BRWD1: variants seen among roughly 807,000 people sequenced by gnomAD.
The protein encoded by BRWD1 is bromodomain and WD repeat-containing protein 1.
In BRWD1, 82 loss-of-function variants were observed where a neutral mutation model predicts 251.2. The ratio of observed to expected loss-of-function variants is 0.33; its 90% confidence interval spans 0.27 to 0.39. The LOEUF (loss-of-function observed/expected upper bound fraction) is 0.39. BRWD1 is among the 10% of genes least tolerant of loss of function. BRWD1 has a pLI of 1.00. For synonymous variants in BRWD1, 918 were observed against 902.8 expected, an observed-to-expected ratio of 1.02 and a Z score of -0.30; for missense variants, 2,233 against 2,711.6, an observed-to-expected ratio of 0.82 and a Z score of 3.92.
At chr21:39,266,090 A>G (rs2034911241) in intron 15 of BRWD1, among the ~76,000 whole-genome samples, 1 of 152,122 alleles carries the variant, frequency 6.6e-6, no homozygotes, top group African/African-American at 2.4e-5. Context: ...GAGAAATGAG[A>G]CATCTACTCA....
chr21:39,258,563 C>A lies in BRWD1; in HGVS notation c.1995G>T (p.Gln665His). The change falls in exon 18 of 41, where the codon CAG (glutamine) becomes CAT (histidine). Residue 665 changes from glutamine (Q) to histidine (H), a missense_variant. Around this residue, in one of 12 missense-constraint regions of BRWD1, gnomAD observed 73 missense variants for 68.1 expected, o/e 1.07. Transcript: ENST00000342449. The stretch of plus-strand genomic sequence containing the variant: ...GATCTGCTCCCATTCTCTGATCTTG[C>A]TGCTGCTGCAACTGTCTTATCATTC... ...LDGMIRQLQQ[Q>H]QDQRMGADQD... 1.2e-6 allele frequency: 2 copies of A among 1,613,438 alleles called. No individual in the cohort carries two copies. Among genetic ancestry groups the A allele is most frequent in the Non-Finnish European group, 1.7e-6 (2 of 1,179,606 alleles).
chr21:39,262,927 G>A (rs919085743), intron 17 of BRWD1, among the ~76,000 whole-genome samples: 5 of 151,088 alleles, frequency 3.3e-5, no homozygotes, highest in East Asian at 2.0e-4. Flanking sequence ...GACAGCCTGG[G>A]CAACATGGCA....
intron 4 of BRWD1, among the ~76,000 whole-genome samples, chr21:39,304,141 C>CAAAAAAAAAAA (rs56990201): frequency 8.4e-6 from 1 of 118,382 alleles, no homozygotes; most frequent in Non-Finnish European, 1.7e-5. Context: ...AACTCTTTCT[C>CAAAAAAAAAAA]AAAAAAAAAA....
At chr21:39,278,932 G>A (rs1028158323) in intron 9 of BRWD1, 119 bp from the exon 10 acceptor site, 35 of 766,696 alleles carry the variant, frequency 4.6e-5, no homozygotes, top group Middle Eastern at 4.2e-4. Flanking sequence ...ACAGGGTCTC[G>A]CCATGTTGCC....
intron 4 of BRWD1, among the ~76,000 whole-genome samples, chr21:39,303,443 CA>C (rs1283352951): frequency 4.8e-5 from 7 of 146,518 alleles, no homozygotes; most frequent in Middle Eastern, 3.6e-3. Flanking sequence ...CGCTTGAGCC[CA>C]GGAGGCAGAG....
chr21:39,238,024 G>A (rs1020494684), intron 22 of BRWD1, among the ~76,000 whole-genome samples: 1 of 152,084 alleles, frequency 6.6e-6, no homozygotes, highest in Admixed American at 6.5e-5. Context: ...CGGATAGGTG[G>A]ACAAGAGAGA....
upstream of BRWD1, chr21:39,313,641 G>GTAGTC: frequency 4.0e-6 from 2 of 494,360 alleles, no homozygotes; most frequent in Non-Finnish European, 6.2e-6. Context: ...CTGGACCGAC[G>GTAGTC]CCTCCGCGGG....
chr21:39,216,177 T>C (rs889331440), intron 31 of BRWD1, among the ~76,000 whole-genome samples: 1 of 152,126 alleles, frequency 6.6e-6, no homozygotes, highest in African/African-American at 2.4e-5. Flanking sequence ...AAAGTTAAAA[T>C]ACAATCAACT....
chr21:39,313,243 G>C lies in BRWD1; in HGVS notation c.106C>G (p.Gln36Glu), dbSNP rs755317791. ...GCCGCCCGCGGGCCCGCACTCACCT[G>C]GGCCGCTCTCCGACACGGGCCCGCC... ...LSAGPCRRAA[Q>E]VLVQELEQYQ... is the part of the protein sequence containing the mutation. The change falls in exon 2 of 41, where the codon CAG becomes GAG. Residue 36 changes from glutamine to glutamate, a missense_variant and splice_region_variant. Transcript: ENST00000342449. The C allele has an allele frequency of 6.5e-6, 10 of 1,545,916 alleles. 1 individual carries two copies. The highest frequency in any genetic ancestry group is 3.5e-5 in the South Asian group (3 of 85,202).
At position 39,189,629 on chromosome 21, in the gene BRWD1, A is replaced by G. The variant is rs2031439774; in HGVS notation, c.*6630T>C. On this transcript the variant is annotated 3_prime_UTR_variant, in exon 41 of 41. Transcript: ENST00000342449. ...CTTAAGTCTTAGACAATAAAACAGGAATTTCAGAGAATAAGGATAAAAACA... is the reference window on the plus strand; with the variant it reads ...CTTAAGTCTTAGACAATAAAACAGGGATTTCAGAGAATAAGGATAAAAACA... 1 of 981,044 alleles carries G rather than the reference A, an allele frequency of 1.0e-6. No homozygotes were observed. Among genetic ancestry groups the G allele is most frequent in the African/African-American group, 1.7e-5 (1 of 57,164 alleles). 60.8% of individuals were successfully genotyped at this position (981,044 alleles called of 1,614,324 possible). A position where few individuals can be genotyped will look rare whatever the true frequency, so the allele number is the denominator to read the frequency against.
chr21:39,251,938 G>T (rs1389261862), intron 19 of BRWD1, among the ~76,000 whole-genome samples: 1 of 152,118 alleles, frequency 6.6e-6, no homozygotes, highest in Admixed American at 6.6e-5. Context: ...GCTAAGAAAA[G>T]TGGTATTAGC....
At chr21:39,313,033 G>A (rs762885026) in intron 3 of BRWD1, 39 bp downstream of exon 3, 9 of 1,341,960 alleles carry the variant, frequency 6.7e-6, no homozygotes, top group African/African-American at 6.1e-5. Flanking sequence ...AGGTCGGCAG[G>A]AGGAACCCGA....
chr21:39,301,050 G>A lies in BRWD1; in HGVS notation c.199-2468C>T, dbSNP rs374445166. Among the ~76,000 whole-genome samples the A allele has an allele frequency of 3.9e-5, 6 of 152,186 alleles. No homozygotes were observed. The East Asian group carries it at 1.2e-3, about 29-fold the overall frequency. ...AAAAATTAGCCAGGCGTGGTGGCAG[G>A]TGCCTGTAGTCCCAGCTGCTGGGGA... is the stretch of plus-strand genomic sequence containing the variant. On this transcript the variant is annotated intron_variant, in intron 4 of 40. Transcript: ENST00000342449.
intron 15 of BRWD1, among the ~76,000 whole-genome samples, chr21:39,265,470 C>T (rs2034890712): frequency 6.8e-6 from 1 of 147,214 alleles, no homozygotes; most frequent in Non-Finnish European, 1.5e-5. Flanking sequence ...TAAGCATATA[C>T]ATCAATCACT....
intron 38 of BRWD1, 134 bp from the exon 39 acceptor site, chr21:39,200,520 T>A: frequency 1.3e-6 from 1 of 750,728 alleles, no homozygotes; most frequent in Non-Finnish European, 1.9e-6. Context: ...TTAGAATATA[T>A]TTTTTAAAAA....
At position 39,189,945 on chromosome 21, in the gene BRWD1, C is replaced by T. The variant is rs183073434; in HGVS notation, c.*6314G>A. On this transcript the variant is annotated 3_prime_UTR_variant, in exon 41 of 41. Transcript: ENST00000342449. ...CTACTGCCTCAGATGAGTCTTGTTT[C>T]AGTCATGGGTTTACAAAGTCATTGA... 270 of 985,374 alleles carry T rather than the reference C, an allele frequency of 2.7e-4. 2 individuals are homozygous for T. The African/African-American group carries it at 4.0e-3, about 15-fold the overall frequency. 61.0% of individuals were successfully genotyped at this position (985,374 alleles called of 1,614,324 possible). A position where few individuals can be genotyped will look rare whatever the true frequency, so the allele number is the denominator to read the frequency against.
At chr21:39,254,202 T>C (rs1000960726) in intron 19 of BRWD1, among the ~76,000 whole-genome samples, 4 of 152,274 alleles carry the variant, frequency 2.6e-5, no homozygotes, top group South Asian at 2.1e-4. Context: ...GAGGCAGAGG[T>C]TGCAGTGAGC....
chr21:39,294,822 T>A (rs1961777401), intron 7 of BRWD1, among the ~76,000 whole-genome samples: 1 of 152,166 alleles, frequency 6.6e-6, no homozygotes, highest in South Asian at 2.1e-4. Context: ...GTCTCAAGTT[T>A]ACAGTACTAG....
intron 37 of BRWD1, among the ~76,000 whole-genome samples, chr21:39,205,439 T>G (rs1372800278): frequency 6.6e-6 from 1 of 152,158 alleles, no homozygotes; most frequent in East Asian, 1.9e-4. Flanking sequence ...ATCATATCAC[T>G]AGACCCCAGC....
Sources: gnomAD v4.1 joint callset for allele counts (sites outside exome capture counted in the v4.1 genomes callset) on GRCh38, gnomAD v4.1.1 for gene constraint, gnomAD v4.1.1 regional missense constraint, MANE v1.5 for transcripts, NCBI Gene and HGNC (gene_info 2026-07-23, HGNC 2026-07-21) for gene names.